The following PLP1 variants were observed in gnomAD, a reference collection of about 807,000 sequenced individuals.
The protein encoded by PLP1 is proteolipid protein 1.
In PLP1, 2 loss-of-function variants were observed where a neutral mutation model predicts 18.5. That is an observed-to-expected ratio of 0.11 (90% confidence interval 0.04 to 0.34). The LOEUF is 0.34. Ranked by LOEUF, PLP1 falls within the 10% of genes least tolerant of loss-of-function variation. The pLI, the probability that PLP1 is intolerant of heterozygous loss-of-function variation, is 1.00. For missense variants in PLP1, 105 were observed against 207.3 expected (o/e 0.51, Z 3.03); for synonymous variants, 86 against 83.2 (o/e 1.03, Z -0.19).
intron 5 of PLP1, chrX:103,789,000 C>CG (rs1251203567): frequency 3.0e-6 from 1 of 334,186 alleles, no homozygotes; most frequent in Non-Finnish European, 5.3e-6. Context: ...AAAGTAAATC[C>CG]GGGGGAGACA....
chrX:103,789,239 T>C, intron 5 of PLP1, 94 bp from the exon 6 acceptor site: 1 of 682,697 alleles, frequency 1.5e-6, no homozygotes, highest in Non-Finnish European at 2.4e-6. Context: ...ACAAGAAAGA[T>C]ATCAACACAT....
At chrX:103,788,913 G>A (rs1430339768) in intron 5 of PLP1, 4 of 273,139 alleles carry the variant, frequency 1.5e-5, no homozygotes, top group Non-Finnish European at 2.6e-5. Context: ...TCTCAAATGA[G>A]AGGTAAAATA....
intron 5 of PLP1, 169 bp from the exon 6 acceptor site, chrX:103,789,164 C>T (rs1569428463): frequency 9.9e-6 from 5 of 503,407 alleles, no homozygotes; most frequent in African/African-American, 2.3e-5. Flanking sequence ...CTATGGTGTA[C>T]ACTGAAGACT....
Position 103,785,623 on chromosome X carries a change from TTTGC to T in PLP1, c.49_52del (p.Ala17ProfsTer29). The T allele has an allele frequency of 8.3e-7, 1 of 1,210,205 alleles. No homozygotes were observed. Among genetic ancestry groups the T allele is most frequent in the Non-Finnish European group, 1.1e-6 (1 of 894,268 alleles). Reference sequence around the variant, plus strand: ...TGCAAGATGTCTGGTAGGGGCCCCCTTTGCTTCCCTGGTGGCCACTGGATTGTGT... The same window carrying T: ...TGCAAGATGTCTGGTAGGGGCCCCCTTTCCCTGGTGGCCACTGGATTGTGT... On this transcript the variant is annotated frameshift_variant, in exon 2 of 7. Transcript: ENST00000621218. LOFTEE classifies it high-confidence loss of function.
Position 103,792,090 on chromosome X carries a change from G to C in PLP1, c.*1492G>C, listed in dbSNP as rs1212229647. Reference sequence around the variant, plus strand: ...AGACCTGAATAGCTCCCAGATTTCAGTCTTTTCCTGTTTTTGTTAACTTTG... The same window carrying C: ...AGACCTGAATAGCTCCCAGATTTCACTCTTTTCCTGTTTTTGTTAACTTTG... On this transcript the variant is annotated 3_prime_UTR_variant, in exon 7 of 7. Transcript: ENST00000621218. 9.1e-6 allele frequency: 1 copy of C among 109,713 alleles called. No homozygotes were observed. The highest frequency in any genetic ancestry group is 2.8e-4 in the East Asian group (1 of 3,514). The allele number at this position is 109,713 out of a possible 1,213,427, so 9.0% of individuals were successfully genotyped here.
At chrX:103,782,903 C>T (rs1002700430) in intron 1 of PLP1, among the ~76,000 whole-genome samples, 4 of 112,160 alleles carry the variant, frequency 3.6e-5, no homozygotes, top group Admixed American at 9.4e-5. Context: ...TCTGTCCAAG[C>T]CCTGACCCTG....
At chrX:103,789,759 C>T (rs777448818) in intron 6 of PLP1, among the ~76,000 whole-genome samples, 4 of 111,951 alleles carry the variant, frequency 3.6e-5, no homozygotes, top group African/African-American at 9.7e-5. Context: ...TGAAACATCA[C>T]GAAACATGAC....
intron 1 of PLP1, among the ~76,000 whole-genome samples, chrX:103,778,996 G>A (rs760645028): frequency 1.8e-5 from 2 of 112,112 alleles, no homozygotes; most frequent in East Asian, 5.6e-4. Flanking sequence ...CCAGGAACAG[G>A]GAACTTACTA....
intron 1 of PLP1, among the ~76,000 whole-genome samples, chrX:103,781,463 T>A (rs1452158521): frequency 8.9e-6 from 1 of 112,265 alleles, no homozygotes; most frequent in Non-Finnish European, 1.9e-5. Context: ...TCTTTTCCCT[T>A]TGCTTACATT....
At chrX:103,790,091 A>C (rs1437993154) in intron 6 of PLP1, among the ~76,000 whole-genome samples, 1 of 112,289 alleles carries the variant, frequency 8.9e-6, no homozygotes, top group African/African-American at 3.2e-5. Context: ...ATACAGAGTC[A>C]AGTAATTTCT....
chrX:103,782,807 G>GGC (rs2074464406), intron 1 of PLP1, among the ~76,000 whole-genome samples: 1 of 110,226 alleles, frequency 9.1e-6, no homozygotes, highest in Non-Finnish European at 1.9e-5. Flanking sequence ...CCACCCCCCG[G>GGC]CTGCAGGCCC....
In PLP1 at chrX:103,788,374, AG is replaced by A. The variant is rs1415877787; in HGVS notation, c.623-62del. On this transcript the variant is annotated intron_variant, in intron 4 of 6. Transcript: ENST00000621218. ...AGATGGAAGAAGGGCTCTGGGGGAA[AG>A]TCTCCATGTGGCCCCGTAACTCCAT... is the stretch of plus-strand genomic sequence containing the variant. 5.0e-6 allele frequency: 4 copies of A among 808,042 alleles called. No homozygotes were observed. The African/African-American group carries it at 8.0e-5, about 16-fold the overall frequency. 66.6% of individuals were successfully genotyped at this position (808,042 alleles called of 1,213,427 possible).
Position 103,787,962 on chromosome X carries a change from G to A in PLP1, c.618G>A (p.Met206Ile), listed in dbSNP as rs1210260255. The A allele has an allele frequency of 8.3e-7, 1 of 1,204,833 alleles. No homozygotes were observed. The change falls in exon 4 of 7, where the codon ATG becomes ATA. Residue 206 changes from methionine to isoleucine, a missense_variant. By Grantham distance (10) the Met-to-Ile change is conservative. Coordinates refer to ENST00000621218, the MANE Select transcript of PLP1 (RefSeq NM_000533.5). ...SIGSLCADARMYGVLPWNAFP... is the reference protein window; with the variant it reads ...SIGSLCADARIYGVLPWNAFP... ...GCAGTCTCTGTGCTGATGCCAGAATGTATGGTGAGTTAGGGTACGGGTGCT... is the reference window on the plus strand; with the variant it reads ...GCAGTCTCTGTGCTGATGCCAGAATATATGGTGAGTTAGGGTACGGGTGCT...
Position 103,788,421 on chromosome X carries a change from T to C in PLP1, c.623-16T>C. ...TCCATAAAGCTTACCCTGCTTGCTT[T>C]TTGTGTCTTACTTAGGTGTTCTCCC... On this transcript the variant is annotated splice_polypyrimidine_tract_variant and intron_variant, in intron 4 of 6. Coordinates refer to ENST00000621218, the MANE Select transcript of PLP1 (RefSeq NM_000533.5). 8.4e-7 allele frequency: 1 copy of C among 1,188,608 alleles called. No homozygotes were observed. The highest frequency in any genetic ancestry group is 1.1e-6 in the Non-Finnish European group (1 of 874,395).
chrX:103,779,725 G>A (rs1220221679), intron 1 of PLP1: 2 of 111,786 alleles, frequency 1.8e-5, no homozygotes, highest in African/African-American at 6.5e-5. Context: ...AGAGCGATCT[G>A]AGTAATAACA....
chrX:103,779,045 AG>A (rs1315098940), intron 1 of PLP1, among the ~76,000 whole-genome samples: 1 of 112,123 alleles, frequency 8.9e-6, no homozygotes, highest in Admixed American at 9.5e-5. Context: ...GGAAGCAAGG[AG>A]GAACACTGAT....
intron 5 of PLP1, 122 bp downstream of exon 5, chrX:103,788,632 C>T: frequency 1.6e-6 from 1 of 620,188 alleles, no homozygotes; most frequent in Non-Finnish European, 2.8e-6. Flanking sequence ...AGCCGATTGC[C>T]TTCTACAACA....
chrX:103,784,484 T>C (rs984755656), intron 1 of PLP1, among the ~76,000 whole-genome samples: 3 of 111,780 alleles, frequency 2.7e-5, no homozygotes, highest in Admixed American at 1.9e-4. Context: ...TCAAACCTCC[T>C]ATTTTCCAAT....
At chrX:103,785,846 C>T (rs1196150916) in intron 2 of PLP1, 78 bp downstream of exon 2, 4 of 919,123 alleles carry the variant, frequency 4.4e-6, no homozygotes, top group Non-Finnish European at 4.8e-6. Context: ...TCTTCAGTAC[C>T]TTAGTAACTA....
Sources: gnomAD v4.1 joint callset for allele counts (sites outside exome capture counted in the v4.1 genomes callset) on GRCh38, gnomAD v4.1.1 for gene constraint, MANE v1.5 for transcripts, NCBI Gene and HGNC (gene_info 2026-07-23, HGNC 2026-07-21) for gene names.